LYSMD2: variants seen among roughly 807,000 people sequenced by gnomAD.
LYSMD2 encodes lysM and putative peptidoglycan-binding domain-containing protein 2.
A neutral mutation model predicts 17.7 loss-of-function variants in LYSMD2; 6 were observed. The ratio of observed to expected loss-of-function variants is 0.34; its 90% confidence interval spans 0.19 to 0.67. The LOEUF (loss-of-function observed/expected upper bound fraction) is 0.67, where lower values mean the gene tolerates loss of function less well. LYSMD2 is among the 30% of genes least tolerant of loss of function. The pLI is 0.69. For synonymous variants in LYSMD2, 102 were observed against 129.8 expected (o/e 0.79, Z 1.45); for missense variants, 237 against 286.7 (o/e 0.83, Z 1.25).
rs907811822 is a variant in LYSMD2, at chr15:51,724,917, T to G, written c.478A>C (p.Ser160Arg). Residue 160 changes from serine (S) to arginine (R), a missense_variant, in exon 2 of 3, where the codon AGT becomes CGT. Physicochemically the swap from Ser to Arg is moderately radical, Grantham distance 110. Transcript: ENST00000267838. Reference protein sequence around the residue: ...VVAGEDLPPPSPQESDVQPVQ... With the variant: ...VVAGEDLPPPRPQESDVQPVQ... ...GGCTGAACATCAGATTCTTGAGGAC[T>G]GGGAGGAGGGAGGTCTTCCCCGGCC... 1 of 1,614,118 alleles carries G rather than the reference T, an allele frequency of 6.2e-7. No individual in the cohort carries two copies. Among genetic ancestry groups the G allele is most frequent in the Non-Finnish European group, 8.5e-7 (1 of 1,179,976 alleles).
intron 1 of LYSMD2, among the ~76,000 whole-genome samples, chr15:51,733,457 T>C (rs1218653886): frequency 6.6e-6 from 1 of 151,916 alleles, no homozygotes; most frequent in East Asian, 1.9e-4. Context: ...GGATGAATGA[T>C]AAATACTGTT....
chr15:51,741,695 G>A (rs142208454), upstream of LYSMD2, among the ~76,000 whole-genome samples: 590 of 152,222 alleles, frequency 3.9e-3, 6 homozygotes, highest in African/African-American at 0.014. Context: ...CAACGCAGGT[G>A]GATCGCTTAA....
chr15:51,751,204 A>G (rs775726075), intron 1 of LYSMD2: 1 of 697,298 alleles, frequency 1.4e-6, no homozygotes, highest in Non-Finnish European at 2.6e-6. Context: ...TAGGCTGCCA[A>G]CCCAACTACT....
intron 1 of LYSMD2, among the ~76,000 whole-genome samples, chr15:51,749,884 T>C (rs796637626): frequency 2.6e-5 from 4 of 152,366 alleles, no homozygotes; most frequent in African/African-American, 9.6e-5. Flanking sequence ...TTCATTTAAC[T>C]CTTTCTGGCT....
chr15:51,748,083 C>A (rs1323729661), intron 1 of LYSMD2, among the ~76,000 whole-genome samples: 1 of 151,948 alleles, frequency 6.6e-6, no homozygotes, highest in Non-Finnish European at 1.5e-5. Context: ...CCATCCTGGT[C>A]AACATGGTGA....
At chr15:51,726,960 C>T (rs1269566425) in intron 1 of LYSMD2, among the ~76,000 whole-genome samples, 1 of 152,048 alleles carries the variant, frequency 6.6e-6, no homozygotes, top group African/African-American at 2.4e-5. Context: ...TGCAAGAGTA[C>T]ACTATTAATT....
intron 1 of LYSMD2, among the ~76,000 whole-genome samples, chr15:51,735,580 C>A (rs2077743): frequency 0.48 from 73,233 of 152,028 alleles, 17,897 homozygotes; most frequent in Admixed American, 0.55. Flanking sequence ...GATTCATTAT[C>A]CTTGTGTTTA....
upstream of LYSMD2, among the ~76,000 whole-genome samples, chr15:51,742,550 G>A (rs1012269342): frequency 6.6e-6 from 1 of 152,118 alleles, no homozygotes; most frequent in Non-Finnish European, 1.5e-5. Flanking sequence ...TGTATATTTT[G>A]AATGTAAGTC....
At chr15:51,739,878 G>C (rs1325143471), upstream of LYSMD2, among the ~76,000 whole-genome samples, 1 of 152,158 alleles carries the variant, frequency 6.6e-6, no homozygotes, top group Non-Finnish European at 1.5e-5. Flanking sequence ...AGTAAGCAGA[G>C]ATCATGCCAC....
intron 1 of LYSMD2, among the ~76,000 whole-genome samples, chr15:51,731,752 G>A (rs1424326008): frequency 6.6e-6 from 1 of 152,082 alleles, no homozygotes; most frequent in East Asian, 1.9e-4. Flanking sequence ...TTTCTCCAGG[G>A]TTTCTGCACA....
chr15:51,734,086 G>C (rs2055593791), intron 1 of LYSMD2, among the ~76,000 whole-genome samples: 1 of 152,152 alleles, frequency 6.6e-6, no homozygotes, highest in African/African-American at 2.4e-5. Flanking sequence ...GAGAGGCTGA[G>C]GCAGGAGAAT....
chr15:51,750,807 T>C (rs113383607), intron 1 of LYSMD2, among the ~76,000 whole-genome samples: 1,935 of 152,220 alleles, frequency 0.013, 46 homozygotes, highest in African/African-American at 0.045. Context: ...CATCTCAGGG[T>C]ATATTCAGGG....
Position 51,723,656 on chromosome 15 carries a change from GA to G in LYSMD2, c.606-8del, listed in dbSNP as rs1452175860. 7 of 1,594,048 alleles carry G rather than the reference GA, an allele frequency of 4.4e-6. No homozygotes were observed. Among genetic ancestry groups the G allele is most frequent in the Non-Finnish European group, 5.1e-6 (6 of 1,169,962 alleles). On this transcript the variant is annotated splice_polypyrimidine_tract_variant and splice_region_variant and intron_variant, in intron 2 of 2. Coordinates refer to ENST00000267838, the MANE Select transcript of LYSMD2 (RefSeq NM_153374.3). ...ATAGGGACTTTCTTCATCTCTGAAA[GA>G]AAATAAATACAGCATAAATCAGAGT...
intron 1 of LYSMD2, among the ~76,000 whole-genome samples, chr15:51,730,526 T>C (rs1595849570): frequency 6.6e-6 from 1 of 152,242 alleles, no homozygotes; most frequent in East Asian, 1.9e-4. Context: ...AAAAAAAATT[T>C]TTTTTAATAA....
At chr15:51,724,574 C>T (rs7167759) in intron 2 of LYSMD2, among the ~76,000 whole-genome samples, 6 of 129,990 alleles carry the variant, frequency 4.6e-5, no homozygotes, top group Non-Finnish European at 6.7e-5. Flanking sequence ...CTTTCTAGAA[C>T]TAAAATGCAG....
At chr15:51,747,836 G>T (rs7179971) in intron 1 of LYSMD2, among the ~76,000 whole-genome samples, 1 of 152,104 alleles carries the variant, frequency 6.6e-6, no homozygotes, top group Non-Finnish European at 1.5e-5. Context: ...CTACACATAC[G>T]ATTTAATTCA....
At chr15:51,742,011 C>T (rs1355608324), upstream of LYSMD2, among the ~76,000 whole-genome samples, 2 of 150,894 alleles carry the variant, frequency 1.3e-5, no homozygotes, top group South Asian at 2.1e-4. Context: ...TATCTATTTC[C>T]GAAAGTTTGT....
intron 1 of LYSMD2, among the ~76,000 whole-genome samples, chr15:51,742,931 C>G (rs928368536): frequency 2.6e-4 from 40 of 152,160 alleles, no homozygotes; most frequent in African/African-American, 9.7e-4. Flanking sequence ...CACTGCAGTC[C>G]AGCCGGGGGG....
At chr15:51,747,231 A>G (rs2055672781) in intron 1 of LYSMD2, among the ~76,000 whole-genome samples, 1 of 148,248 alleles carries the variant, frequency 6.7e-6, no homozygotes. Context: ...AACAACAAAA[A>G]CTGTAATGCC....
Sources: allele counts gnomAD v4.1 joint callset (sites outside exome capture counted in the v4.1 genomes callset), GRCh38; gene constraint gnomAD v4.1.1; transcripts MANE v1.5; gene names NCBI Gene and HGNC (gene_info 2026-07-23, HGNC 2026-07-21).